The following ULK4 variants were observed in gnomAD, a reference collection of about 807,000 sequenced individuals.
ULK4 encodes the protein unc-51 like kinase 4.
ULK4 carries 133 observed loss-of-function variants against 160.6 expected under a neutral mutation model. The ratio of observed to expected loss-of-function variants is 0.83; its 90% CI spans 0.72 to 0.96. The LOEUF (loss-of-function observed/expected upper bound fraction) is 0.96, where lower values mean the gene tolerates loss of function less well. Ranked by LOEUF, ULK4 falls within the 40% of genes least tolerant of loss-of-function variation. The probability of loss-of-function intolerance (pLI) is 0.00; values close to 1 mark genes in which losing one functional copy is unlikely to be tolerated. For synonymous variants in ULK4, 534 were observed against 539.8 expected (o/e 0.99, Z 0.15); for missense variants, 1,580 against 1,499.5 (o/e 1.05, Z -0.89).
intron 34 of ULK4, among the ~76,000 whole-genome samples, chr3:41,451,705 C>T (rs1471095546): frequency 6.6e-6 from 1 of 152,002 alleles, no homozygotes; most frequent in Admixed American, 6.6e-5. Context: ...AAAAAAAGTG[C>T]TATATGAATT....
At chr3:41,945,274 G>A (rs1464907630) in intron 2 of ULK4, among the ~76,000 whole-genome samples, 1 of 152,098 alleles carries the variant, frequency 6.6e-6, no homozygotes, top group Non-Finnish European at 1.5e-5. Context: ...TGGATGCCTT[G>A]GGGCCTTTAC....
At chr3:41,343,421 C>T (rs1332210894) in intron 35 of ULK4, among the ~76,000 whole-genome samples, 2 of 150,228 alleles carry the variant, frequency 1.3e-5, no homozygotes, top group Admixed American at 1.3e-4. Context: ...TCTCCTGCCT[C>T]AGTCTCCTGG....
intron 2 of ULK4, among the ~76,000 whole-genome samples, chr3:41,951,797 A>G (rs1026676413): frequency 2.0e-5 from 3 of 152,212 alleles, no homozygotes; most frequent in African/African-American, 4.8e-5. Flanking sequence ...AAATAAAATT[A>G]GTGTCCTTAG....
Position 41,254,609 on chromosome 3 carries a change from C to T in ULK4, c.3679-5035G>A, listed in dbSNP as rs536586239. Among the ~76,000 whole-genome samples the T allele has an allele frequency of 5.3e-5, 8 of 152,200 alleles. No individual in the cohort carries two copies. The South Asian group carries it at 8.3e-4, about 16-fold the overall frequency. ...GGAACTAGGAAAAAAGGGCCGGGCG[C>T]GGTGGCTCACACCTGTAATCCCAGC... On this transcript the variant is annotated intron_variant, in intron 35 of 36. Coordinates refer to ENST00000301831, the MANE Select transcript of ULK4 (RefSeq NM_017886.4).
At chr3:41,771,600 C>T (rs2039378299) in intron 21 of ULK4, among the ~76,000 whole-genome samples, 1 of 151,330 alleles carries the variant, frequency 6.6e-6, no homozygotes, top group African/African-American at 2.4e-5. Context: ...CTTTTCCTTT[C>T]AAATCATACT....
chr3:41,303,391 A>G (rs2079837431), intron 35 of ULK4, among the ~76,000 whole-genome samples: 1 of 152,234 alleles, frequency 6.6e-6, no homozygotes. Context: ...TCCCAAAGAA[A>G]GAAGAGTGGT....
At chr3:41,287,482 C>A (rs1249602420) in intron 35 of ULK4, among the ~76,000 whole-genome samples, 1 of 152,136 alleles carries the variant, frequency 6.6e-6, no homozygotes, top group Admixed American at 6.5e-5. Context: ...ATTGATTTTT[C>A]TTGGTCCAAA....
intron 17 of ULK4, among the ~76,000 whole-genome samples, chr3:41,873,078 G>A (rs1697159563): frequency 6.6e-6 from 1 of 152,140 alleles, no homozygotes; most frequent in South Asian, 2.1e-4. Flanking sequence ...CTTGAACCTG[G>A]GAGGGAAAGG....
At chr3:41,822,823 G>A (rs147479415) in intron 18 of ULK4, among the ~76,000 whole-genome samples, 1,787 of 148,038 alleles carry the variant, frequency 0.012, 30 homozygotes, top group African/African-American at 0.043. Flanking sequence ...CCAGGTTCAC[G>A]CCATTCTCCT....
intron 35 of ULK4, among the ~76,000 whole-genome samples, chr3:41,380,075 A>G (rs886793183): frequency 1.3e-5 from 2 of 152,164 alleles, no homozygotes; most frequent in African/African-American, 2.4e-5. Context: ...TCATAAAATC[A>G]GCGCCAGTGA....
chr3:41,639,339 T>A (rs182859944), intron 30 of ULK4, among the ~76,000 whole-genome samples: 1 of 152,278 alleles, frequency 6.6e-6, no homozygotes, highest in Admixed American at 6.5e-5. Context: ...AAATAAATGT[T>A]TGACAAGTTC....
intron 35 of ULK4, among the ~76,000 whole-genome samples, chr3:41,355,402 A>G (rs1250251575): frequency 6.6e-6 from 1 of 152,152 alleles, no homozygotes; most frequent in Non-Finnish European, 1.5e-5. Flanking sequence ...TTATAGATCA[A>G]TTATTGTACC....
chr3:41,393,869 G>T (rs185523659), intron 35 of ULK4, among the ~76,000 whole-genome samples: 161 of 152,262 alleles, frequency 1.1e-3, no homozygotes, highest in African/African-American at 3.8e-3. Flanking sequence ...TTCGAAGGAG[G>T]ATGGGCTGGA....
At chr3:41,952,318 T>C (rs1700318964) in intron 2 of ULK4, among the ~76,000 whole-genome samples, 1 of 152,236 alleles carries the variant, frequency 6.6e-6, no homozygotes, top group Admixed American at 6.5e-5. Flanking sequence ...AACAGATTAA[T>C]ATCTAGAATA....
At chr3:41,322,899 C>G (rs114125336) in intron 35 of ULK4, among the ~76,000 whole-genome samples, 211 of 151,764 alleles carry the variant, frequency 1.4e-3, no homozygotes, top group Non-Finnish European at 2.4e-3. Context: ...ACTTCTTAAG[C>G]AAGGCTCCAC....
intron 1 of ULK4, chr3:41,955,782 T>C (rs1355130501): frequency 9.2e-6 from 1 of 109,266 alleles, no homozygotes; most frequent in Admixed American, 1.1e-4. Flanking sequence ...ACCCTATCCA[T>C]AAAACCTTCA....
chr3:41,249,312 T>C (rs558772895), intron 36 of ULK4, among the ~76,000 whole-genome samples, 177 bp downstream of exon 36: 59 of 152,220 alleles, frequency 3.9e-4, no homozygotes, highest in African/African-American at 1.4e-3. Flanking sequence ...GGATTCCCAG[T>C]GTGTGGAGTG....
chr3:41,576,033 G>A (rs2088177839), intron 31 of ULK4, among the ~76,000 whole-genome samples: 1 of 152,184 alleles, frequency 6.6e-6, no homozygotes, highest in Non-Finnish European at 1.5e-5. Flanking sequence ...TCTGCCTGTA[G>A]TGTTGAAAGA....
chr3:41,620,700 C>T lies in ULK4; in HGVS notation c.3072-4983G>A, dbSNP rs569605661. ...AGCTGGAAGCATTCCCTTTGAAAAC[C>T]GGCACAAGACAAGGATGCCCTCTCT... is the stretch of plus-strand genomic sequence containing the variant. On this transcript the variant is annotated intron_variant, in intron 30 of 36. Coordinates refer to ENST00000301831, the MANE Select transcript of ULK4 (RefSeq NM_017886.4). Among the ~76,000 whole-genome samples, 177 of 151,974 alleles carry T rather than the reference C, an allele frequency of 1.2e-3. 1 individual carries two copies. The highest frequency in any genetic ancestry group is 9.0e-4 in the Non-Finnish European group (61 of 67,934).
Sources: allele counts gnomAD v4.1 joint callset (sites outside exome capture counted in the v4.1 genomes callset), GRCh38; gene constraint gnomAD v4.1.1; transcripts MANE v1.5; gene names NCBI Gene and HGNC (gene_info 2026-07-23, HGNC 2026-07-21).